The following FGD3 variants were observed in gnomAD, a reference collection of about 807,000 sequenced individuals.
The protein encoded by FGD3 is FYVE, RhoGEF and PH domain-containing protein 3.
In FGD3, 45 loss-of-function variants were observed where a neutral mutation model predicts 71.8. The ratio of observed to expected loss-of-function variants is 0.63; its 90% CI spans 0.49 to 0.80. The LOEUF is 0.80. Ranked by LOEUF, FGD3 falls within the 30% of genes least tolerant of loss-of-function variation. FGD3 has a pLI of 0.00. For missense variants in FGD3, 844 were observed against 951.5 expected, an observed-to-expected ratio of 0.89 and a Z score of 1.49; for synonymous variants, 378 against 392.8, an observed-to-expected ratio of 0.96 and a Z score of 0.44.
intron 1 of FGD3, among the ~76,000 whole-genome samples, chr9:92,952,903 A>G (rs1335867485): frequency 6.6e-6 from 1 of 151,932 alleles, no homozygotes; most frequent in Admixed American, 6.6e-5. Flanking sequence ...CTAAATAAAC[A>G]TGTGTTGTTG....
In FGD3 at chr9:93,003,105, C is replaced by G; in HGVS notation, c.543+91C>G. 1 of 1,236,544 alleles carries G rather than the reference C, an allele frequency of 8.1e-7. No individual in the cohort carries two copies. The highest frequency in any genetic ancestry group is 1.3e-5 in the South Asian group (1 of 77,292). 76.6% of individuals were successfully genotyped at this position (1,236,544 alleles called of 1,614,324 possible). On this transcript the variant is annotated intron_variant, in intron 4 of 17. Coordinates refer to ENST00000375482, the MANE Select transcript of FGD3 (RefSeq NM_001083536.2). This position sits in a 1 kb window ranked among gnomAD's most constrained non-coding sequence, Gnocchi z 4.1. ...TGTGAATGACTTAAATACTAAAACT[C>G]AGACAAATTTAAGTCTGGTCTACAA...
In FGD3 at chr9:93,020,393, A is replaced by T; in HGVS notation, c.1463A>T (p.Asp488Val). Residue 488 changes from aspartate (D) to valine (V), a missense_variant, in exon 13 of 18, where the codon GAT (aspartate) becomes GTT (valine). Asp to Val is a radical substitution (Grantham distance 152). Transcript: ENST00000375482. ...GCTTTTGGTGGCGCCTTCAGCCAGG[A>T]TGAGGACCCCAGCCTCTCTCCAGAC... ...FKAFGGAFSQ[D>V]EDPSLSPDMP... The T allele has an allele frequency of 6.2e-7, 1 of 1,613,528 alleles. No homozygotes were observed. The highest frequency in any genetic ancestry group is 1.3e-5 in the African/African-American group (1 of 74,912).
At chr9:92,990,308 G>A (rs1032812856) in intron 3 of FGD3, among the ~76,000 whole-genome samples, 4 of 152,128 alleles carry the variant, frequency 2.6e-5, no homozygotes, top group African/African-American at 9.7e-5. Context: ...GTATGGTGGT[G>A]CGGGCAACAA....
At chr9:92,991,901 GTCTT>G (rs1209858483) in intron 3 of FGD3, among the ~76,000 whole-genome samples, 8 of 152,068 alleles carry the variant, frequency 5.3e-5, no homozygotes, top group Non-Finnish European at 1.0e-4. Flanking sequence ...ATTATGTAAT[GTCTT>G]TCTTTGTTTC....
At chr9:93,016,780 C>T (rs929822304) in intron 10 of FGD3, among the ~76,000 whole-genome samples, 2 of 151,886 alleles carry the variant, frequency 1.3e-5, no homozygotes, top group Admixed American at 6.6e-5. Flanking sequence ...CGCGCCACCA[C>T]GCCCAGCTAA....
intron 3 of FGD3, among the ~76,000 whole-genome samples, chr9:92,991,569 A>C (rs1860413168): frequency 6.6e-6 from 1 of 152,182 alleles, no homozygotes; most frequent in Admixed American, 6.5e-5. Context: ...TTTGTGTCCT[A>C]ACATATTGTC....
chr9:92,984,330 T>G (rs768819047), intron 3 of FGD3, among the ~76,000 whole-genome samples: 4 of 152,224 alleles, frequency 2.6e-5, no homozygotes, highest in Non-Finnish European at 5.9e-5. Flanking sequence ...CAAAATCACT[T>G]TTCTTTATAA....
rs534162261 is a variant in FGD3, at chr9:92,991,925, T to A, written c.454-11000T>A. ...TGTCTTTCTTTGTTTCTTTTTATAGTTTTTGACTTGAAGTCTTCTTCGTCT... is the reference window on the plus strand; with the variant it reads ...TGTCTTTCTTTGTTTCTTTTTATAGATTTTGACTTGAAGTCTTCTTCGTCT... On this transcript the variant is annotated intron_variant, in intron 3 of 17. Transcript: ENST00000375482. Among the ~76,000 whole-genome samples, 10 of 152,354 alleles carry A rather than the reference T, an allele frequency of 6.6e-5. No homozygotes were observed. In the East Asian group the frequency reaches 1.9e-3, roughly 29 times the overall value.
chr9:93,022,403 G>A lies in FGD3; in HGVS notation c.1557+14G>A. ...GGTGCAGCAGGGGTAAGTGCCCCATGCTCAGCGGTCAGCAGGGGTGAAAGG... is the reference window on the plus strand; with the variant it reads ...GGTGCAGCAGGGGTAAGTGCCCCATACTCAGCGGTCAGCAGGGGTGAAAGG... On this transcript the variant is annotated intron_variant, in intron 14 of 17. Coordinates refer to ENST00000375482, the MANE Select transcript of FGD3 (RefSeq NM_001083536.2). The A allele has an allele frequency of 6.2e-7, 1 of 1,611,092 alleles. No homozygotes were observed. The highest frequency in any genetic ancestry group is 8.5e-7 in the Non-Finnish European group (1 of 1,178,460).
At chr9:93,035,295 C>G (rs762561374) in intron 17 of FGD3, 43 bp from the exon 18 acceptor site, 4 of 1,584,682 alleles carry the variant, frequency 2.5e-6, no homozygotes, top group East Asian at 4.5e-5. Flanking sequence ...AGCCCGAGGC[C>G]GGGAAGCTGT....
intron 3 of FGD3, among the ~76,000 whole-genome samples, chr9:92,979,894 T>C (rs891265552): frequency 6.6e-6 from 1 of 152,172 alleles, no homozygotes; most frequent in Non-Finnish European, 1.5e-5. Flanking sequence ...AGTCTTTTTA[T>C]TTCTGTGGCA....
chr9:92,992,787 G>A (rs1370954556), intron 3 of FGD3, among the ~76,000 whole-genome samples: 1 of 152,156 alleles, frequency 6.6e-6, no homozygotes, highest in Non-Finnish European at 1.5e-5. Context: ...GTTGGGGGGT[G>A]GGGTGTGTAC....
intron 1 of FGD3, among the ~76,000 whole-genome samples, chr9:92,952,428 G>A (rs1015899437): frequency 6.6e-6 from 1 of 151,846 alleles, no homozygotes; most frequent in South Asian, 2.1e-4. Flanking sequence ...TAGTAGAGAC[G>A]GGGTTTCACC....
chr9:92,996,906 C>T (rs1336411669), intron 3 of FGD3, among the ~76,000 whole-genome samples: 1 of 152,102 alleles, frequency 6.6e-6, no homozygotes, highest in East Asian at 1.9e-4. Flanking sequence ...ACTATGTGGT[C>T]CATTTTGGAA....
At position 93,029,791 on chromosome 9, in the gene FGD3, A is replaced by G. The variant is rs914569362; in HGVS notation, c.1558-83A>G. On this transcript the variant is annotated intron_variant, in intron 14 of 17. Transcript: ENST00000375482. ...TTGAGCCTGTGTGGCTTTTACAGTC[A>G]CGAGAGCTGCCACTCCACTGCCGTG... The G allele has an allele frequency of 2.5e-5, 38 of 1,535,936 alleles. No individual in the cohort carries two copies. In the Middle Eastern group the frequency reaches 1.0e-3, roughly 42 times the overall value.
chr9:92,968,077 A>G (rs1859396706), intron 1 of FGD3, among the ~76,000 whole-genome samples: 1 of 152,170 alleles, frequency 6.6e-6, no homozygotes, highest in Non-Finnish European at 1.5e-5. Flanking sequence ...ATGGACTCAC[A>G]TGGGAAACTG....
chr9:93,025,946 C>T lies in FGD3; in HGVS notation c.1557+3557C>T, dbSNP rs188714373. ...CAGGGCAGGGCTGGAGCAGAGGCATCAGGCCTCAGCCTGGCCACCCTCCTG... is the reference window on the plus strand; with the variant it reads ...CAGGGCAGGGCTGGAGCAGAGGCATTAGGCCTCAGCCTGGCCACCCTCCTG... On this transcript the variant is annotated intron_variant, in intron 14 of 17. Transcript: ENST00000375482. Among the ~76,000 whole-genome samples the T allele has an allele frequency of 6.4e-3, 978 of 152,328 alleles. 12 individuals are homozygous for T. Among genetic ancestry groups the T allele is most frequent in the African/African-American group, 0.022 (920 of 41,582 alleles).
At chr9:92,985,070 C>T (rs143613902) in intron 3 of FGD3, among the ~76,000 whole-genome samples, 2 of 152,376 alleles carry the variant, frequency 1.3e-5, no homozygotes, top group Non-Finnish European at 2.9e-5. Flanking sequence ...GGGGGCCCTT[C>T]AGCCTTCAAA....
intron 14 of FGD3, among the ~76,000 whole-genome samples, chr9:93,027,938 C>T (rs993095701): frequency 2.0e-5 from 3 of 151,918 alleles, no homozygotes; most frequent in African/African-American, 7.3e-5. Flanking sequence ...AGATTGGTCT[C>T]GAACTTCTGG....
Sources: allele counts gnomAD v4.1 joint callset (sites outside exome capture counted in the v4.1 genomes callset), GRCh38; gene constraint gnomAD v4.1.1; non-coding constraint Gnocchi (gnomAD v3.1); transcripts MANE v1.5; gene names NCBI Gene and HGNC (gene_info 2026-07-23, HGNC 2026-07-21).